SPDYA: variants seen among roughly 807,000 people sequenced by gnomAD.
SPDYA encodes speedy/RINGO cell cycle regulator family member A.
Under a neutral mutation model 36.7 loss-of-function variants are expected in SPDYA, and 11 were observed. That is an observed-to-expected ratio of 0.30 (90% CI 0.19 to 0.50). The LOEUF (loss-of-function observed/expected upper bound fraction) is 0.50. SPDYA is among the 20% of genes least tolerant of loss of function. SPDYA has a pLI of 0.98. For synonymous variants in SPDYA, 115 were observed against 118.7 expected (o/e 0.97, Z 0.20); for missense variants, 287 against 370.9 (o/e 0.77, Z 1.86).
At chr2:28,822,299 T>C (rs757727285) in intron 4 of SPDYA, 26 bp from the exon 5 acceptor site, 3 of 1,175,030 alleles carry the variant, frequency 2.6e-6, no homozygotes, top group Non-Finnish European at 3.6e-6. Flanking sequence ...AACATTAATA[T>C]TAATTTTTAA....
At chr2:28,846,721 C>CCA (rs1668884995) in intron 7 of SPDYA, among the ~76,000 whole-genome samples, 2 of 64,594 alleles carry the variant, frequency 3.1e-5, no homozygotes, top group Non-Finnish European at 5.7e-5. Context: ...TAGAAGAAAA[C>CCA]TACACACACA....
In SPDYA at chr2:28,824,082, A is replaced by G. The variant is rs542783432; in HGVS notation, c.380+1672A>G. ...AATTTTAAGTGTTTACCTAGAGAACACATATAAAAAATATTTAAGTTGAAT... is the reference window on the plus strand; with the variant it reads ...AATTTTAAGTGTTTACCTAGAGAACGCATATAAAAAATATTTAAGTTGAAT... On this transcript the variant is annotated intron_variant, in intron 5 of 7. Coordinates refer to ENST00000334056, the MANE Select transcript of SPDYA (RefSeq NM_182756.4). 3.3e-5 allele frequency among the ~76,000 whole-genome samples: 5 copies of G among 152,160 alleles called. No homozygotes were observed. The East Asian group carries it at 9.7e-4, about 30-fold the overall frequency.
intron 3 of SPDYA, 128 bp from the exon 4 acceptor site, chr2:28,818,920 G>A: frequency 1.5e-6 from 1 of 678,298 alleles, no homozygotes; most frequent in Non-Finnish European, 2.5e-6. Flanking sequence ...TCCACCTTAG[G>A]CAACACTGGT....
intron 3 of SPDYA, among the ~76,000 whole-genome samples, chr2:28,818,461 AG>A (rs1434659446): frequency 2.5e-5 from 3 of 122,412 alleles, no homozygotes; most frequent in South Asian, 2.7e-4. Context: ...AAAAAAAAAA[AG>A]AGAAAGAGAG....
intron 6 of SPDYA, among the ~76,000 whole-genome samples, chr2:28,834,706 T>C (rs948112903): frequency 6.6e-5 from 10 of 152,222 alleles, no homozygotes; most frequent in African/African-American, 2.4e-4. Flanking sequence ...GTAGTTGTTA[T>C]GGGCTGAGAG....
chr2:28,832,905 A>G (rs977942655), intron 6 of SPDYA, among the ~76,000 whole-genome samples: 6 of 143,240 alleles, frequency 4.2e-5, no homozygotes, highest in Non-Finnish European at 8.9e-5. Context: ...CAGTGGTGAG[A>G]TCATGGCTCA....
intron 6 of SPDYA, 23 bp downstream of exon 6, chr2:28,829,342 T>G (rs756377635): frequency 6.3e-7 from 1 of 1,586,670 alleles, no homozygotes; most frequent in East Asian, 2.2e-5. Flanking sequence ...AAATGCTTTA[T>G]ATATGTAATC....
In SPDYA at chr2:28,835,968, T is replaced by C. The variant is rs576117271; in HGVS notation, c.553-4204T>C. 1.6e-4 allele frequency among the ~76,000 whole-genome samples: 24 copies of C among 152,378 alleles called. No homozygotes were observed. In the South Asian group the frequency reaches 5.0e-3, roughly 32 times the overall value. ...TACTGTTGAAAATGTAACTGTTCTA[T>C]ACATTTGTTACTGAAAGCCTGGCAT... On this transcript the variant is annotated intron_variant, in intron 6 of 7. Transcript: ENST00000334056.
At chr2:28,830,295 C>T (rs1668449536) in intron 6 of SPDYA, among the ~76,000 whole-genome samples, 1 of 150,660 alleles carries the variant, frequency 6.6e-6, no homozygotes, top group Non-Finnish European at 1.5e-5. Context: ...GCTCCGCCTC[C>T]CGGGTCCACG....
chr2:28,819,196 CTTA>C (rs1668071410), intron 4 of SPDYA, 90 bp downstream of exon 4: 2 of 1,006,226 alleles, frequency 2.0e-6, no homozygotes, highest in South Asian at 1.6e-5. Flanking sequence ...AATTTTCTAT[CTTA>C]TTAGTTATGA....
chr2:28,821,998 T>C (rs566378223), intron 4 of SPDYA, among the ~76,000 whole-genome samples: 2 of 152,290 alleles, frequency 1.3e-5, no homozygotes, highest in South Asian at 4.1e-4. Context: ...TGAGGATGCA[T>C]GGCTGTTCAT....
intron 7 of SPDYA, among the ~76,000 whole-genome samples, chr2:28,845,129 G>C (rs766400783): frequency 1.3e-5 from 2 of 151,842 alleles, no homozygotes; most frequent in Non-Finnish European, 2.9e-5. Context: ...TCTGTCACCT[G>C]GGCTGGAGTG....
At chr2:28,815,517 G>A (rs1478584446) in intron 2 of SPDYA, among the ~76,000 whole-genome samples, 1 of 151,936 alleles carries the variant, frequency 6.6e-6, no homozygotes, top group Non-Finnish European at 1.5e-5. Context: ...ATGGGGTTTT[G>A]TGGGAGGGGG....
intron 5 of SPDYA, among the ~76,000 whole-genome samples, chr2:28,824,427 A>G (rs961018637): frequency 2.2e-4 from 32 of 142,720 alleles, no homozygotes; most frequent in Non-Finnish European, 4.6e-4. Context: ...GCAGTGAGCT[A>G]TGATCACCAC....
rs1668713135 is a variant in SPDYA at position 28,840,106 on chromosome 2, T to G, written c.553-66T>G. 1.3e-5 allele frequency: 18 copies of G among 1,439,468 alleles called. No individual in the cohort carries two copies. The South Asian group carries it at 2.3e-4, about 19-fold the overall frequency. 89.2% of individuals were successfully genotyped at this position (1,439,468 alleles called of 1,614,324 possible). On this transcript the variant is annotated intron_variant, in intron 6 of 7. Coordinates refer to ENST00000334056, the MANE Select transcript of SPDYA (RefSeq NM_182756.4). ...AGACAGTTGTTCTTGAGTTATAAGT[T>G]TTGAACTCAATTTTAGTAAATTTTG...
In SPDYA at chr2:28,822,361, G is replaced by A; in HGVS notation, c.331G>A (p.Ala111Thr). The A allele has an allele frequency of 6.4e-7, 1 of 1,568,686 alleles. No homozygotes were observed. Among genetic ancestry groups the A allele is most frequent in the South Asian group, 1.2e-5 (1 of 83,692 alleles). Residue 111 changes from alanine (A) to threonine (T), a missense_variant, in exon 5 of 8, where the codon GCT (alanine) becomes ACT (threonine). By Grantham distance (58) the Ala-to-Thr change is moderately conservative (BLOSUM62 0). Transcript: ENST00000334056. The stretch of plus-strand genomic sequence containing the variant: ...TATGACCTTTGTTTATTTCAAGAGG[G>A]CTAAATTTACTATAAGTGAGCATAC... ...LAMTFVYFKR[A>T]KFTISEHTRI...
At chr2:28,826,060 T>A (rs528146328) in intron 5 of SPDYA, among the ~76,000 whole-genome samples, 1 of 152,256 alleles carries the variant, frequency 6.6e-6, no homozygotes, top group South Asian at 2.1e-4. Context: ...CCTCTTTTTC[T>A]TTGGTGTTTG....
intron 4 of SPDYA, among the ~76,000 whole-genome samples, chr2:28,821,494 C>A (rs1211299985): frequency 1.3e-5 from 2 of 152,082 alleles, no homozygotes; most frequent in African/African-American, 4.8e-5. Flanking sequence ...AGCCACTGCG[C>A]CCGTCAGGAA....
In SPDYA at chr2:28,822,307, T is replaced by C; in HGVS notation, c.295-18T>C. The C allele has an allele frequency of 7.7e-7, 1 of 1,301,868 alleles. No individual in the cohort carries two copies. The highest frequency in any genetic ancestry group is 1.1e-6 in the Non-Finnish European group (1 of 945,014). The allele number at this position is 1,301,868 out of a possible 1,614,324, so 80.6% of individuals were successfully genotyped here. Reference sequence around the variant, plus strand: ...AAAGCAAAACATTAATATTAATTTTTAACTTTTTTCCTTATAGTATCTTTT... The same window carrying C: ...AAAGCAAAACATTAATATTAATTTTCAACTTTTTTCCTTATAGTATCTTTT... On this transcript the variant is annotated intron_variant, in intron 4 of 7. Transcript: ENST00000334056.
Sources: gnomAD v4.1 joint callset for allele counts (sites outside exome capture counted in the v4.1 genomes callset) on GRCh38, gnomAD v4.1.1 for gene constraint, MANE v1.5 for transcripts, NCBI Gene and HGNC (gene_info 2026-07-23, HGNC 2026-07-21) for gene names.